ZNF502: variants seen among roughly 807,000 people sequenced by gnomAD.
ZNF502 encodes zinc finger protein 502.
ZNF502 carries 29 observed loss-of-function variants against 43.6 expected under a neutral mutation model. That is an observed-to-expected ratio of 0.67 (90% confidence interval 0.50 to 0.91). The LOEUF (loss-of-function observed/expected upper bound fraction) is 0.91, where lower values mean the gene tolerates loss of function less well. ZNF502 is among the 40% of genes least tolerant of loss of function. The pLI, the probability that ZNF502 is intolerant of heterozygous loss-of-function variation, is 0.00. For missense variants in ZNF502, 591 were observed against 647.2 expected (o/e 0.91, Z 0.94); for synonymous variants, 171 against 207.4 (o/e 0.82, Z 1.51).
intron 1 of ZNF502, chr3:44,714,746 G>A (rs1360845838): frequency 6.6e-6 from 1 of 152,198 alleles, no homozygotes; most frequent in Non-Finnish European, 1.5e-5. Context: ...CTGCCATCGA[G>A]TAGATATCTT....
intron 1 of ZNF502, chr3:44,714,747 T>G (rs1332065053): frequency 6.6e-6 from 1 of 152,178 alleles, no homozygotes; most frequent in African/African-American, 2.4e-5. Context: ...TGCCATCGAG[T>G]AGATATCTTT....
At position 44,721,518 on chromosome 3, in the gene ZNF502, C is replaced by A; in HGVS notation, c.701C>A (p.Thr234Asn). Residue 234 changes from threonine to asparagine, a missense_variant, in exon 3 of 3, where the codon ACT (threonine) becomes AAT (asparagine). Coordinates refer to ENST00000436624, the MANE Select transcript of ZNF502 (RefSeq NM_001134442.3). ...SFLTQHQRIH[T>N]GEKPYKCNEC... is the part of the protein sequence containing the mutation. ...CTTACTCAGCATCAAAGAATTCACA[C>A]TGGAGAGAAACCTTATAAATGCAAT... 6.2e-7 allele frequency: 1 copy of A among 1,607,572 alleles called. No homozygotes were observed. Among genetic ancestry groups the A allele is most frequent in the Non-Finnish European group, 8.5e-7 (1 of 1,176,002 alleles).
chr3:44,721,176 T>G lies in ZNF502; in HGVS notation c.359T>G (p.Val120Gly). 1.9e-6 allele frequency: 3 copies of G among 1,614,022 alleles called. No individual in the cohort carries two copies. The highest frequency in any genetic ancestry group is 2.5e-6 in the Non-Finnish European group (3 of 1,180,008). ...LTSSLVTRLR[V>G]STEESLHQWE... ...TCAAGCCTTGTTACACGTCTCAGGG[T>G]TTCTACAGAAGAGAGTCTGCATCAG... The change falls in exon 3 of 3, where the codon GTT becomes GGT. Residue 120 changes from valine (V) to glycine (G), a missense_variant. Physicochemically the swap from Val to Gly is moderately radical, Grantham distance 109 (BLOSUM62 -3). Coordinates refer to ENST00000436624, the MANE Select transcript of ZNF502 (RefSeq NM_001134442.3).
rs756830593 is a variant in ZNF502, at chr3:44,721,709, A to G, written c.892A>G (p.Ser298Gly). The G allele has an allele frequency of 5.0e-6, 8 of 1,613,534 alleles. No individual in the cohort carries two copies. Among genetic ancestry groups the G allele is most frequent in the Admixed American group, 1.7e-5 (1 of 60,006 alleles). Residue 298 changes from serine (S) to glycine (G), a missense_variant, in exon 3 of 3, where the codon AGT becomes GGT. Physicochemically the swap from Ser to Gly is moderately conservative, Grantham distance 56. Coordinates refer to ENST00000436624, the MANE Select transcript of ZNF502 (RefSeq NM_001134442.3). Reference protein sequence around the residue: ...IHTGEKPYICSECGSSFRKHS... With the variant: ...IHTGEKPYICGECGSSFRKHS... Reference sequence around the variant, plus strand: ...CACTGGTGAGAAGCCTTACATATGCAGTGAATGTGGCTCTTCTTTTCGAAA... The same window carrying G: ...CACTGGTGAGAAGCCTTACATATGCGGTGAATGTGGCTCTTCTTTTCGAAA...
At chr3:44,715,077 A>G (rs910559737) in intron 1 of ZNF502, among the ~76,000 whole-genome samples, 2 of 152,264 alleles carry the variant, frequency 1.3e-5, no homozygotes, top group Non-Finnish European at 2.9e-5. Context: ...ATAGAAGAGT[A>G]TAAAGGACAA....
intron 1 of ZNF502, among the ~76,000 whole-genome samples, chr3:44,716,698 A>G (rs926503297): frequency 6.6e-6 from 1 of 152,224 alleles, no homozygotes; most frequent in Non-Finnish European, 1.5e-5. Flanking sequence ...TCGCACCGGT[A>G]TGTGAGAAAC....
intron 2 of ZNF502, 91 bp from the exon 3 acceptor site, chr3:44,720,782 A>T: frequency 6.9e-7 from 1 of 1,441,874 alleles, no homozygotes; most frequent in Non-Finnish European, 9.3e-7. Context: ...ATAGGCCATT[A>T]CTGAGGTCTG....
At position 44,721,548 on chromosome 3, in the gene ZNF502, G is replaced by C; in HGVS notation, c.731G>C (p.Cys244Ser). ...GAGAAACCTTATAAATGCAATGAATGTGGGAATTCCTTCCGCAATCACTCA... is the reference window on the plus strand; with the variant it reads ...GAGAAACCTTATAAATGCAATGAATCTGGGAATTCCTTCCGCAATCACTCA... ...TGEKPYKCNE[C>S]GNSFRNHSHL... Residue 244 changes from cysteine to serine, a missense_variant, in exon 3 of 3, where the codon TGT (cysteine) becomes TCT (serine). Transcript: ENST00000436624. 6.2e-7 allele frequency: 1 copy of C among 1,607,592 alleles called. No homozygotes were observed.
At chr3:44,719,412 A>G (rs940564113) in intron 1 of ZNF502, among the ~76,000 whole-genome samples, 2 of 152,222 alleles carry the variant, frequency 1.3e-5, no homozygotes, top group African/African-American at 4.8e-5. Flanking sequence ...TGGTAAAATC[A>G]TATCTGGATC....
intron 1 of ZNF502, among the ~76,000 whole-genome samples, chr3:44,714,117 T>C (rs1181528026): frequency 6.6e-6 from 1 of 152,214 alleles, no homozygotes. Context: ...TCTAGCTTGC[T>C]TAGATTCTTT....
Position 44,720,184 on chromosome 3 carries a change from CT to C in ZNF502, c.-59-15del. On this transcript the variant is annotated intron_variant, in intron 1 of 2. Transcript: ENST00000436624. ...AGTAATATTCCCTCCCTCCCTGCAC[CT>C]TTTCTCCCCATGAGCAGGGTTCCCA... 6.6e-7 allele frequency: 1 copy of C among 1,518,936 alleles called. No homozygotes were observed. The highest frequency in any genetic ancestry group is 9.1e-7 in the Non-Finnish European group (1 of 1,093,714). The allele number at this position is 1,518,936 out of a possible 1,614,324, so 94.1% of individuals were successfully genotyped here. A position where few individuals can be genotyped will look rare whatever the true frequency, so the allele number is the denominator to read the frequency against.
In ZNF502 at chr3:44,722,392, A is replaced by G. The variant is rs781258728; in HGVS notation, c.1575A>G (p.Gly525=). 49 of 1,614,180 alleles carry G rather than the reference A, an allele frequency of 3.0e-5. 1 individual carries two copies. In the East Asian group the frequency reaches 7.8e-4, roughly 26 times the overall value. Residue 525 remains glycine, a synonymous_variant, in exon 3 of 3, where the codon GGA becomes GGG. Transcript: ENST00000436624. ...GEKPYECIEC[G]KFFRHSSVLF... ...AGCCTTATGAGTGTATTGAGTGTGGAAAGTTCTTCAGACATAGTTCAGTCC... is the reference window on the plus strand; with the variant it reads ...AGCCTTATGAGTGTATTGAGTGTGGGAAGTTCTTCAGACATAGTTCAGTCC...
intron 1 of ZNF502, among the ~76,000 whole-genome samples, chr3:44,715,860 T>G (rs1575538168): frequency 6.6e-6 from 1 of 152,060 alleles, no homozygotes; most frequent in East Asian, 1.9e-4. Context: ...GCACGACACA[T>G]GTATATTTTA....
At position 44,722,710 on chromosome 3, in the gene ZNF502, G is replaced by T; in HGVS notation, c.*258G>T. 1 of 417,258 alleles carries T rather than the reference G, an allele frequency of 2.4e-6. No homozygotes were observed. The highest frequency in any genetic ancestry group is 4.3e-6 in the Non-Finnish European group (1 of 233,706). 25.8% of individuals were successfully genotyped at this position (417,258 alleles called of 1,614,324 possible). A position where few individuals can be genotyped will look rare whatever the true frequency, so the allele number is the denominator to read the frequency against. On this transcript the variant is annotated 3_prime_UTR_variant, in exon 3 of 3. Transcript: ENST00000436624. ...ACACATTGCCACTGTCTCCCCATGT[G>T]ACTCTTACAGCTTGAGGAGGCATTT...
chr3:44,717,798 C>T (rs926547800), intron 1 of ZNF502, among the ~76,000 whole-genome samples: 1 of 152,048 alleles, frequency 6.6e-6, no homozygotes, highest in African/African-American at 2.4e-5. Context: ...TATAGGTACA[C>T]ACCACTACAC....
At chr3:44,718,623 C>T (rs1462422008) in intron 1 of ZNF502, among the ~76,000 whole-genome samples, 2 of 152,252 alleles carry the variant, frequency 1.3e-5, no homozygotes, top group Middle Eastern at 6.8e-3. Context: ...AGCTTGATTC[C>T]TTTTGTATGT....
chr3:44,717,563 C>T (rs1285492933), intron 1 of ZNF502, among the ~76,000 whole-genome samples: 1 of 151,956 alleles, frequency 6.6e-6, no homozygotes, highest in African/African-American at 2.4e-5. Flanking sequence ...AGGCATGTGC[C>T]ACCATGCCTG....
At chr3:44,715,092 A>C (rs970142109) in intron 1 of ZNF502, among the ~76,000 whole-genome samples, 10 of 152,236 alleles carry the variant, frequency 6.6e-5, no homozygotes, top group African/African-American at 1.9e-4. Context: ...GGACAAACTA[A>C]AGTGACCCAT....
chr3:44,722,493 A>G lies in ZNF502; in HGVS notation c.*41A>G. On this transcript the variant is annotated 3_prime_UTR_variant, in exon 3 of 3. Coordinates refer to ENST00000436624, the MANE Select transcript of ZNF502 (RefSeq NM_001134442.3). ...TATGACAGTTTCTCTAGCGAGGATG[A>G]CTACGAATCTGACTGGGAGTAGAGG... is the stretch of plus-strand genomic sequence containing the variant. The G allele has an allele frequency of 6.4e-7, 1 of 1,560,932 alleles. No homozygotes were observed. Among genetic ancestry groups the G allele is most frequent in the East Asian group, 2.2e-5 (1 of 44,516 alleles).
Sources: gnomAD v4.1 joint callset for allele counts (sites outside exome capture counted in the v4.1 genomes callset) on GRCh38, gnomAD v4.1.1 for gene constraint, MANE v1.5 for transcripts, NCBI Gene and HGNC (gene_info 2026-07-23, HGNC 2026-07-21) for gene names.